TRIM71: variants seen among roughly 807,000 people sequenced by gnomAD.
TRIM71 encodes the protein E3 ubiquitin-protein ligase TRIM71.
Under a neutral mutation model 61.2 loss-of-function variants are expected in TRIM71, and 9 were observed. That is an observed-to-expected ratio of 0.15 (90% CI 0.09 to 0.26). The LOEUF (loss-of-function observed/expected upper bound fraction) is 0.26, where lower values mean the gene tolerates loss of function less well. TRIM71 is among the 10% of genes least tolerant of loss of function. The pLI is 1.00. For synonymous variants in TRIM71, 645 were observed against 553.2 expected, an observed-to-expected ratio of 1.17 and a Z score of -2.33; for missense variants, 998 against 1,238.7, an observed-to-expected ratio of 0.81 and a Z score of 2.92.
intron 1 of TRIM71, among the ~76,000 whole-genome samples, chr3:32,868,057 C>G (rs1279258666): frequency 6.6e-6 from 1 of 152,148 alleles, no homozygotes; most frequent in Non-Finnish European, 1.5e-5. Context: ...CACAACAAGA[C>G]TTTTTCTTTC....
intron 1 of TRIM71, among the ~76,000 whole-genome samples, chr3:32,835,073 A>G (rs1244508961): frequency 2.6e-5 from 4 of 152,214 alleles, no homozygotes; most frequent in Admixed American, 2.6e-4. Flanking sequence ...ATCAAATGGA[A>G]TAAAATTTAA....
Position 32,820,858 on chromosome 3 carries a change from T to C in TRIM71, c.852+1926T>C, listed in dbSNP as rs567540254. On this transcript the variant is annotated intron_variant, in intron 1 of 3. Transcript: ENST00000383763. ...ACTTTTTAGCATGTGCAATGTCAGG[T>C]TGAAGTAACTAATAATCCTTAACAT... Among the ~76,000 whole-genome samples, 9 of 152,354 alleles carry C rather than the reference T, an allele frequency of 5.9e-5. No individual in the cohort carries two copies. In the East Asian group the frequency reaches 1.7e-3, roughly 29 times the overall value.
At chr3:32,865,745 A>C (rs575977235) in intron 1 of TRIM71, among the ~76,000 whole-genome samples, 1 of 149,324 alleles carries the variant, frequency 6.7e-6, no homozygotes, top group African/African-American at 2.5e-5. Flanking sequence ...CTGTAAACAG[A>C]ATTTAGTCAC....
chr3:32,862,244 A>C (rs1485321676), intron 1 of TRIM71, among the ~76,000 whole-genome samples: 1 of 152,228 alleles, frequency 6.6e-6, no homozygotes, highest in Non-Finnish European at 1.5e-5. Flanking sequence ...AGAGGAGGGA[A>C]GTGCTCGGTT....
In TRIM71 at chr3:32,865,402, C is replaced by T. The variant is rs1053330852; in HGVS notation, c.853-8416C>T. Among the ~76,000 whole-genome samples, 11 of 152,208 alleles carry T rather than the reference C, an allele frequency of 7.2e-5. No homozygotes were observed. In the East Asian group the frequency reaches 9.6e-4, roughly 13 times the overall value. ...TGCAGCCTGCGGAGGGTCAGAATCA[C>T]GGAAAACTACATACACGAGTTACAC... is the stretch of plus-strand genomic sequence containing the variant. On this transcript the variant is annotated intron_variant, in intron 1 of 3. Transcript: ENST00000383763.
chr3:32,860,392 G>A (rs1174678884), intron 1 of TRIM71, among the ~76,000 whole-genome samples: 1 of 152,012 alleles, frequency 6.6e-6, no homozygotes, highest in Non-Finnish European at 1.5e-5. Context: ...CTGACCTCAG[G>A]TGATCCACCT....
intron 1 of TRIM71, among the ~76,000 whole-genome samples, chr3:32,856,375 T>C (rs772591553): frequency 6.6e-6 from 1 of 152,026 alleles, no homozygotes; most frequent in Non-Finnish European, 1.5e-5. Flanking sequence ...CATCCCTACT[T>C]GCACTTTAAG....
At chr3:32,867,140 C>T (rs6550168) in intron 1 of TRIM71, among the ~76,000 whole-genome samples, 80,207 of 151,638 alleles carry the variant, frequency 0.53, 21,643 homozygotes, top group African/African-American at 0.58. Flanking sequence ...GACCCCACTG[C>T]AGATTGTTCT....
At position 32,891,838 on chromosome 3, in the gene TRIM71, G is replaced by A. The variant is rs890254212; in HGVS notation, c.*27G>A. 6.3e-7 allele frequency: 1 copy of A among 1,599,990 alleles called. No homozygotes were observed. The highest frequency in any genetic ancestry group is 8.5e-7 in the Non-Finnish European group (1 of 1,175,060). On this transcript the variant is annotated 3_prime_UTR_variant, in exon 4 of 4. Coordinates refer to ENST00000383763, the MANE Select transcript of TRIM71 (RefSeq NM_001039111.3). This position sits in a 1 kb window ranked among gnomAD's most constrained non-coding sequence, Gnocchi z 8.2. ...TGCATTTCCTAGGTTTCTGTGTTTGGGGTGTGTGTGCGTGTCTCTCTCTCT... is the reference window on the plus strand; with the variant it reads ...TGCATTTCCTAGGTTTCTGTGTTTGAGGTGTGTGTGCGTGTCTCTCTCTCT...
intron 1 of TRIM71, among the ~76,000 whole-genome samples, chr3:32,871,070 G>T (rs543131783): frequency 9.2e-5 from 14 of 151,798 alleles, no homozygotes; most frequent in Admixed American, 3.3e-4. Context: ...CCAGCTACTA[G>T]AACTTAATTT....
chr3:32,885,150 A>T (rs186332185), intron 2 of TRIM71, among the ~76,000 whole-genome samples: 1 of 152,088 alleles, frequency 6.6e-6, no homozygotes, highest in African/African-American at 2.4e-5. Context: ...GGCTTCCCTG[A>T]CACCCTCCTG....
chr3:32,890,132 T>C lies in TRIM71; in HGVS notation c.1156-228T>C, dbSNP rs772274570. Among the ~76,000 whole-genome samples the C allele has an allele frequency of 3.3e-5, 5 of 152,198 alleles. No homozygotes were observed. Among genetic ancestry groups the C allele is most frequent in the Non-Finnish European group, 5.9e-5 (4 of 68,032 alleles). ...CCAGTCCAGAGTCACTAATTACATA[T>C]AGTTGTCCTGTTTCTAGTAACTATC... On this transcript the variant is annotated intron_variant, in intron 3 of 3. Coordinates refer to ENST00000383763, the MANE Select transcript of TRIM71 (RefSeq NM_001039111.3). This position sits in a 1 kb window ranked among gnomAD's most constrained non-coding sequence, Gnocchi z 6.2.
At chr3:32,877,365 A>G (rs983243324) in intron 2 of TRIM71, among the ~76,000 whole-genome samples, 5 of 151,676 alleles carry the variant, frequency 3.3e-5, no homozygotes, top group Non-Finnish European at 7.4e-5. Flanking sequence ...CGGCTTTTCA[A>G]AGTGTTGGGA....
intron 1 of TRIM71, among the ~76,000 whole-genome samples, chr3:32,841,982 T>C (rs887340851): frequency 6.6e-6 from 1 of 152,038 alleles, no homozygotes; most frequent in Non-Finnish European, 1.5e-5. Flanking sequence ...GCCATACACC[T>C]AGGAACAACT....
intron 1 of TRIM71, among the ~76,000 whole-genome samples, chr3:32,835,119 G>A (rs1696320458): frequency 6.6e-6 from 1 of 152,190 alleles, no homozygotes; most frequent in Non-Finnish European, 1.5e-5. Context: ...AAGATGAGAA[G>A]GAGGTGATGT....
At chr3:32,861,107 A>G (rs1286614063) in intron 1 of TRIM71, among the ~76,000 whole-genome samples, 5 of 151,636 alleles carry the variant, frequency 3.3e-5, no homozygotes, top group Non-Finnish European at 7.4e-5. Context: ...CCCGGGAGGC[A>G]GAGGTTGCAG....
Position 32,841,162 on chromosome 3 carries a change from A to G in TRIM71, c.852+22230A>G, listed in dbSNP as rs540849866. ...CGGGAAGCTGAGGCAGGAGAATGGC[A>G]TAAACCCGGGAGGCGGAGCTTGCAG... On this transcript the variant is annotated intron_variant, in intron 1 of 3. Coordinates refer to ENST00000383763, the MANE Select transcript of TRIM71 (RefSeq NM_001039111.3). Among the ~76,000 whole-genome samples the G allele has an allele frequency of 4.6e-5, 7 of 151,896 alleles. No individual in the cohort carries two copies. In the East Asian group the frequency reaches 1.2e-3, roughly 26 times the overall value.
chr3:32,863,425 C>G (rs79229703), intron 1 of TRIM71, among the ~76,000 whole-genome samples: 2,562 of 151,912 alleles, frequency 0.017, 62 homozygotes, highest in East Asian at 0.12. Flanking sequence ...TACATTTTGA[C>G]TTTTGATGAT....
In TRIM71 at chr3:32,892,124, T is replaced by C; in HGVS notation, c.*313T>C. The C allele has an allele frequency of 3.5e-6, 1 of 287,266 alleles. No individual in the cohort carries two copies. Among genetic ancestry groups the C allele is most frequent in the Non-Finnish European group, 6.5e-6 (1 of 154,646 alleles). 17.8% of individuals were successfully genotyped at this position (287,266 alleles called of 1,614,324 possible). On this transcript the variant is annotated 3_prime_UTR_variant, in exon 4 of 4. Coordinates refer to ENST00000383763, the MANE Select transcript of TRIM71 (RefSeq NM_001039111.3). Reference sequence around the variant, plus strand: ...GCCCTCTTCCCCTCCTCAGTGGAGTTTGCATTTCCCTCTTCCCCTGCGTGG... The same window carrying C: ...GCCCTCTTCCCCTCCTCAGTGGAGTCTGCATTTCCCTCTTCCCCTGCGTGG...
Sources: gnomAD v4.1 joint callset for allele counts (sites outside exome capture counted in the v4.1 genomes callset) on GRCh38, gnomAD v4.1.1 for gene constraint, Gnocchi (gnomAD v3.1) non-coding constraint, MANE v1.5 for transcripts, NCBI Gene and HGNC (gene_info 2026-07-23, HGNC 2026-07-21) for gene names.